Variants in CPNE4 observed in about 807,000 individuals in gnomAD.
CPNE4 encodes the protein copine-4.
CPNE4 carries 25 observed loss-of-function variants against 67.9 expected under a neutral mutation model. The ratio of observed to expected loss-of-function variants is 0.37; its 90% CI spans 0.27 to 0.51. CPNE4 has a LOEUF of 0.51. CPNE4 is among the 20% of genes least tolerant of loss of function. CPNE4 has a pLI of 0.93. For synonymous variants in CPNE4, 242 were observed against 244.9 expected, an observed-to-expected ratio of 0.99 and a Z score of 0.11; for missense variants, 464 against 690.8, an observed-to-expected ratio of 0.67 and a Z score of 3.68.
At chr3:131,753,467 A>C (rs946015483) in intron 2 of CPNE4, among the ~76,000 whole-genome samples, 31 of 152,296 alleles carry the variant, frequency 2.0e-4, no homozygotes, top group African/African-American at 7.2e-4. Flanking sequence ...CAAAAATCTC[A>C]TAATGAAAGT....
intron 1 of CPNE4, among the ~76,000 whole-genome samples, chr3:131,920,674 C>A (rs2070715652): frequency 6.6e-6 from 1 of 151,686 alleles, no homozygotes; most frequent in Admixed American, 6.6e-5. Flanking sequence ...GAAAAAAAAT[C>A]TCCGGAACCA....
chr3:131,647,268 G>A (rs956563710), intron 7 of CPNE4, among the ~76,000 whole-genome samples: 1 of 152,174 alleles, frequency 6.6e-6, no homozygotes, highest in Non-Finnish European at 1.5e-5. Context: ...AATACCTGGA[G>A]ACGCTGTGAG....
chr3:131,991,751 C>G lies in CPNE4; in HGVS notation c.-2+42816G>C, dbSNP rs573317864. ...ACCTTCATGGCAACCCCTCCCATCA[C>G]AGGCCCAGAGGTCTAGGAGGGAAAA... On this transcript the variant is annotated intron_variant, in intron 1 of 15. Transcript: ENST00000429747. Among the ~76,000 whole-genome samples the G allele has an allele frequency of 6.6e-5, 9 of 135,402 alleles. 2 individuals carry two copies. The highest frequency in any genetic ancestry group is 3.3e-4 in the Admixed American group (4 of 11,972). 88.8% of individuals were successfully genotyped at this position (135,402 alleles called of 152,430 possible). A position where few individuals can be genotyped will look rare whatever the true frequency, so the allele number is the denominator to read the frequency against.
At chr3:131,555,644 C>T in intron 11 of CPNE4, 93 bp from the exon 12 acceptor site, 3 of 1,092,198 alleles carry the variant, frequency 2.7e-6, no homozygotes, top group Non-Finnish European at 4.1e-6. Flanking sequence ...TACTAGGTTG[C>T]TAGGCCATGT....
intron 1 of CPNE4, among the ~76,000 whole-genome samples, chr3:131,973,322 T>C (rs887659207): frequency 1.1e-4 from 17 of 152,124 alleles, no homozygotes; most frequent in Non-Finnish European, 2.2e-4. Flanking sequence ...CTGTTTCTTC[T>C]CCCCAGAGTC....
At chr3:131,551,825 T>C (rs1936190408) in intron 13 of CPNE4, among the ~76,000 whole-genome samples, 1 of 152,036 alleles carries the variant, frequency 6.6e-6, no homozygotes, top group South Asian at 2.1e-4. Flanking sequence ...TAGAACAAAA[T>C]TTATTATAAT....
At chr3:131,783,092 A>G (rs917883475) in intron 2 of CPNE4, among the ~76,000 whole-genome samples, 1 of 152,088 alleles carries the variant, frequency 6.6e-6, no homozygotes, top group African/African-American at 2.4e-5. Context: ...GTACCCATAA[A>G]AAGAAGAAAG....
chr3:131,892,952 A>T (rs1056186809), intron 2 of CPNE4, among the ~76,000 whole-genome samples: 1 of 152,082 alleles, frequency 6.6e-6, no homozygotes, highest in Non-Finnish European at 1.5e-5. Context: ...AACAACTAAA[A>T]ATAGTGGAAG....
At chr3:131,815,636 C>T (rs1342165869) in intron 2 of CPNE4, among the ~76,000 whole-genome samples, 5 of 152,100 alleles carry the variant, frequency 3.3e-5, no homozygotes, top group Non-Finnish European at 5.9e-5. Context: ...GCCAGTAAGT[C>T]GAGAGACAAG....
rs149340630 is a variant in CPNE4, at chr3:131,585,962, C to T, written c.780+1522G>A. Among the ~76,000 whole-genome samples the T allele has an allele frequency of 6.6e-5, 10 of 152,196 alleles. No individual in the cohort carries two copies. In the East Asian group the frequency reaches 1.9e-3, roughly 29 times the overall value. ...TTGCAGGAACTAAGTGGAAAGCTGC[C>T]ATTGTTTCCATTGAGTTTCCAGACC... On this transcript the variant is annotated intron_variant, in intron 8 of 15. Coordinates refer to ENST00000429747, the MANE Select transcript of CPNE4 (RefSeq NM_130808.3).
At chr3:131,554,056 AAGGTATGGTGC>A (rs938751083) in intron 12 of CPNE4, among the ~76,000 whole-genome samples, 8 of 152,068 alleles carry the variant, frequency 5.3e-5, no homozygotes, top group African/African-American at 1.9e-4. Flanking sequence ...TAGTGAGAAA[AAGGTATGGTGC>A]ATAGCTCTGT....
Position 131,805,767 on chromosome 3 carries a change from T to G in CPNE4, c.181-82142A>C, listed in dbSNP as rs567811013. On this transcript the variant is annotated intron_variant, in intron 2 of 15. Coordinates refer to ENST00000429747, the MANE Select transcript of CPNE4 (RefSeq NM_130808.3). ...GACAGATCTAGGGAGAAGGTGCAGC[T>G]CTTTCATTGCCTCACGAGTTATATA... Among the ~76,000 whole-genome samples the G allele has an allele frequency of 2.0e-5, 3 of 152,334 alleles. No homozygotes were observed. The South Asian group carries it at 6.2e-4, about 32-fold the overall frequency.
chr3:132,014,330 C>T (rs2073843195), intron 1 of CPNE4, among the ~76,000 whole-genome samples: 1 of 152,072 alleles, frequency 6.6e-6, no homozygotes, highest in African/African-American at 2.4e-5. Flanking sequence ...CCGAATGCTC[C>T]TCCCACCCCC....
At chr3:131,618,409 A>C (rs1940281766) in intron 7 of CPNE4, among the ~76,000 whole-genome samples, 1 of 152,156 alleles carries the variant, frequency 6.6e-6, no homozygotes, top group Admixed American at 6.6e-5. Flanking sequence ...AGAATATTAC[A>C]AATCTATTCT....
chr3:131,940,737 A>G (rs886521424), intron 1 of CPNE4, among the ~76,000 whole-genome samples: 3 of 152,088 alleles, frequency 2.0e-5, no homozygotes, highest in African/African-American at 7.2e-5. Flanking sequence ...GATCCAGAAT[A>G]AAAAAGGGGG....
intron 11 of CPNE4, among the ~76,000 whole-genome samples, chr3:131,555,838 A>G (rs1306736251): frequency 6.6e-6 from 1 of 152,082 alleles, no homozygotes; most frequent in Non-Finnish European, 1.5e-5. Flanking sequence ...CCTTTCATCA[A>G]TGGCCTCCAC....
intron 7 of CPNE4, among the ~76,000 whole-genome samples, chr3:131,639,081 G>T (rs1439650354): frequency 1.3e-5 from 2 of 151,948 alleles, no homozygotes; most frequent in African/African-American, 4.8e-5. Flanking sequence ...AAATAGACAA[G>T]CTAAGGTCAC....
intron 7 of CPNE4, among the ~76,000 whole-genome samples, chr3:131,591,603 C>T (rs2107708087): frequency 6.6e-6 from 1 of 152,292 alleles, no homozygotes; most frequent in African/African-American, 2.4e-5. Context: ...AGAACTCCAT[C>T]AGGGGCCTCT....
At chr3:131,709,342 G>A (rs1276260373) in intron 3 of CPNE4, among the ~76,000 whole-genome samples, 2 of 152,138 alleles carry the variant, frequency 1.3e-5, no homozygotes, top group African/African-American at 4.8e-5. Flanking sequence ...AAGAGCCTGG[G>A]ATGCTGGTCC....
Sources: gnomAD v4.1 joint callset for allele counts (sites outside exome capture counted in the v4.1 genomes callset) on GRCh38, gnomAD v4.1.1 for gene constraint, MANE v1.5 for transcripts, NCBI Gene and HGNC (gene_info 2026-07-23, HGNC 2026-07-21) for gene names.